Variants in CLVS1 observed in about 807,000 individuals in gnomAD.
CLVS1 encodes clavesin-1.
In CLVS1, 10 loss-of-function variants were observed where a neutral mutation model predicts 33.1. That is an observed-to-expected ratio of 0.30 (90% CI 0.19 to 0.51). The LOEUF (loss-of-function observed/expected upper bound fraction) is 0.51. Among genes scored for constraint, CLVS1 ranks in the 20% least tolerant of loss-of-function variants. The probability of loss-of-function intolerance (pLI) is 0.97; values close to 1 mark genes in which losing one functional copy is unlikely to be tolerated. For missense variants in CLVS1, 343 were observed against 433.4 expected (o/e 0.79, Z 1.85); for synonymous variants, 163 against 166.1 (o/e 0.98, Z 0.14).
the CLVS1 span, among the ~76,000 whole-genome samples, chr8:60,986,401 C>A: frequency 1.3e-5 from 2 of 152,224 alleles, no homozygotes; most frequent in Admixed American, 1.3e-4. Context: ...AGGAACCAGC[C>A]ATGAACAGCC....
At chr8:61,376,087 A>G (rs1813628261) in intron 2 of CLVS1, among the ~76,000 whole-genome samples, 1 of 152,226 alleles carries the variant, frequency 6.6e-6, no homozygotes, top group African/African-American at 2.4e-5. Context: ...AAATAGCATC[A>G]ATGGCATGAA....
chr8:61,001,643 AC>A, the CLVS1 span, among the ~76,000 whole-genome samples: 1 of 151,808 alleles, frequency 6.6e-6, no homozygotes, highest in African/African-American at 2.4e-5. Flanking sequence ...TGGATGGACC[AC>A]TCCCCTTTGC....
intron 5 of CLVS1, among the ~76,000 whole-genome samples, chr8:61,488,892 G>T (rs1449415023): frequency 6.6e-6 from 1 of 152,158 alleles, no homozygotes; most frequent in Non-Finnish European, 1.5e-5. Context: ...GTTCCAGGAT[G>T]GGTGTGTCTT....
rs368135715 is a variant in CLVS1 at position 61,401,300 on chromosome 8, A to T, written c.630+24521A>T. ...TTCTTGCTTAAATGCCCTGGAGAGA[A>T]CAATGTTGAACAGAGGTAGTGAGAA... is the stretch of plus-strand genomic sequence containing the variant. On this transcript the variant is annotated intron_variant, in intron 3 of 5. Coordinates refer to ENST00000325897, the MANE Select transcript of CLVS1 (RefSeq NM_173519.3). Among the ~76,000 whole-genome samples the T allele has an allele frequency of 2.6e-5, 4 of 151,956 alleles. No homozygotes were observed. In the East Asian group the frequency reaches 5.8e-4, roughly 22 times the overall value.
At chr8:60,979,637 A>T in the CLVS1 span, among the ~76,000 whole-genome samples, 1 of 152,244 alleles carries the variant, frequency 6.6e-6, no homozygotes, top group Non-Finnish European at 1.5e-5. Flanking sequence ...ACACAGAAAA[A>T]TAAGAGCGAG....
the CLVS1 span, among the ~76,000 whole-genome samples, chr8:60,998,742 T>C: frequency 6.6e-6 from 1 of 152,036 alleles, no homozygotes; most frequent in Non-Finnish European, 1.5e-5. Flanking sequence ...AGCAAAGCAG[T>C]GTATTTGTAT....
chr8:61,060,223 T>C (rs940432097), intron 1 of CLVS1, among the ~76,000 whole-genome samples: 1 of 152,188 alleles, frequency 6.6e-6, no homozygotes, highest in African/African-American at 2.4e-5. Context: ...CTTGGAGCAC[T>C]TTCCAGCAGG....
chr8:61,181,293 C>T (rs2129300528), intron 2 of CLVS1, among the ~76,000 whole-genome samples: 1 of 152,256 alleles, frequency 6.6e-6, no homozygotes, highest in Non-Finnish European at 1.5e-5. Context: ...TAAAAGGCCT[C>T]TTCAAGAACT....
chr8:61,277,089 G>T (rs1405920119), intron 2 of CLVS1, among the ~76,000 whole-genome samples: 1 of 152,102 alleles, frequency 6.6e-6, no homozygotes, highest in East Asian at 1.9e-4. Flanking sequence ...GTCAAGTCTT[G>T]CTGACTCCAG....
chr8:61,152,612 G>A (rs774982889), intron 2 of CLVS1, among the ~76,000 whole-genome samples: 2 of 152,144 alleles, frequency 1.3e-5, no homozygotes, highest in South Asian at 2.1e-4. Flanking sequence ...GCTAGGTCCC[G>A]TCCCTTCAGT....
chr8:61,051,292 TG>T, the CLVS1 span, among the ~76,000 whole-genome samples: 2 of 152,246 alleles, frequency 1.3e-5, no homozygotes, highest in Non-Finnish European at 2.9e-5. Context: ...CTCAACCCTC[TG>T]GGCCTCAGGT....
intron 2 of CLVS1, among the ~76,000 whole-genome samples, chr8:61,302,595 A>G (rs1220068790): frequency 6.6e-6 from 1 of 152,232 alleles, no homozygotes. Context: ...TTGGTGCAGG[A>G]CATCAGTGTA....
At chr8:61,157,426 A>C (rs1806671721) in intron 2 of CLVS1, among the ~76,000 whole-genome samples, 1 of 152,152 alleles carries the variant, frequency 6.6e-6, no homozygotes, top group South Asian at 2.1e-4. Context: ...AAAAGCTAAA[A>C]CGATAAAGCT....
At position 61,279,368 on chromosome 8, in the gene CLVS1, A is replaced by G. The variant is rs138746150; in HGVS notation, c.-151-20309A>G. Among the ~76,000 whole-genome samples the G allele has an allele frequency of 1.7e-3, 256 of 152,150 alleles. 1 individual carries two copies. The highest frequency in any genetic ancestry group is 5.8e-3 in the African/African-American group (242 of 41,494). On this transcript the variant is annotated intron_variant, in intron 2 of 2. Transcript: ENST00000522621. ...TGCCCCTCTCTGCCTCTTGCTTTAT[A>G]TTTTCTTTCCTATTCCCAAAGACCA...
At chr8:61,214,646 T>C (rs796580825) in intron 2 of CLVS1, among the ~76,000 whole-genome samples, 13 of 152,268 alleles carry the variant, frequency 8.5e-5, no homozygotes, top group African/African-American at 2.6e-4. Context: ...GAGAAAATAA[T>C]TTTTCTTGCT....
intron 2 of CLVS1, among the ~76,000 whole-genome samples, chr8:61,267,625 C>A (rs1809338005): frequency 6.6e-6 from 1 of 152,164 alleles, no homozygotes; most frequent in African/African-American, 2.4e-5. Context: ...ATTTAAAAAG[C>A]AAACAACTTT....
chr8:61,182,561 C>T (rs1229245895), intron 2 of CLVS1, among the ~76,000 whole-genome samples: 1 of 152,066 alleles, frequency 6.6e-6, no homozygotes, highest in Admixed American at 6.5e-5. Flanking sequence ...ATTTATGTGG[C>T]TAACAAACAT....
chr8:61,134,089 T>C (rs1158206209), intron 2 of CLVS1, among the ~76,000 whole-genome samples: 4 of 152,198 alleles, frequency 2.6e-5, no homozygotes, highest in Non-Finnish European at 4.4e-5. Context: ...AGCAGGCAGC[T>C]GGGTGTATAG....
chr8:61,035,375 T>C, the CLVS1 span, among the ~76,000 whole-genome samples: 3 of 152,084 alleles, frequency 2.0e-5, no homozygotes, highest in African/African-American at 7.2e-5. Context: ...TTTCACAAAG[T>C]CGACTGGTAA....
Sources: gnomAD v4.1 joint callset for allele counts (sites outside exome capture counted in the v4.1 genomes callset) on GRCh38, gnomAD v4.1.1 for gene constraint, MANE v1.5 for transcripts, NCBI Gene and HGNC (gene_info 2026-07-23, HGNC 2026-07-21) for gene names.